GNAZ: variants seen among roughly 807,000 people sequenced by gnomAD.
GNAZ encodes G protein subunit alpha z.
In GNAZ, 3 loss-of-function variants were observed where a neutral mutation model predicts 25.4. The observed-to-expected ratio is 0.12, with a 90% CI of 0.05 to 0.30. GNAZ has a LOEUF of 0.30. Ranked by LOEUF, GNAZ falls within the 10% of genes least tolerant of loss-of-function variation. GNAZ has a pLI of 1.00. For missense variants in GNAZ, 241 were observed against 501.8 expected, an observed-to-expected ratio of 0.48 and a Z score of 4.97; for synonymous variants, 211 against 205.7, an observed-to-expected ratio of 1.03 and a Z score of -0.22.
chr22:23,107,693 G>A (rs959436382), intron 2 of GNAZ, among the ~76,000 whole-genome samples: 3 of 152,178 alleles, frequency 2.0e-5, no homozygotes, highest in African/African-American at 2.4e-5. Context: ...CAGTGGAGTC[G>A]GGTCCTGGGC....
chr22:23,101,779 C>T (rs2069308610), intron 2 of GNAZ, among the ~76,000 whole-genome samples: 1 of 152,236 alleles, frequency 6.6e-6, no homozygotes, highest in Non-Finnish European at 1.5e-5. Flanking sequence ...ACACTGGGCT[C>T]CCAAGGACTG....
At chr22:23,083,263 A>T (rs1323633352) in intron 1 of GNAZ, among the ~76,000 whole-genome samples, 1 of 152,102 alleles carries the variant, frequency 6.6e-6, no homozygotes, top group Non-Finnish European at 1.5e-5. Context: ...AGGGGAGGGT[A>T]GACCCAGGCA....
chr22:23,119,443 C>A (rs964971275), intron 2 of GNAZ, among the ~76,000 whole-genome samples: 6 of 152,228 alleles, frequency 3.9e-5, no homozygotes, highest in African/African-American at 1.4e-4. Context: ...TCTGTCTTGT[C>A]CCCCATCTCT....
At chr22:23,094,291 A>G (rs1323792049) in intron 1 of GNAZ, among the ~76,000 whole-genome samples, 1 of 152,036 alleles carries the variant, frequency 6.6e-6, no homozygotes, top group Non-Finnish European at 1.5e-5. Flanking sequence ...AAGAAGCCTG[A>G]GCTTTGAGCT....
chr22:23,091,636 A>G (rs533427193), intron 1 of GNAZ, among the ~76,000 whole-genome samples: 40 of 152,170 alleles, frequency 2.6e-4, no homozygotes, highest in African/African-American at 9.4e-4. Context: ...ATGGACCTGC[A>G]TACACACTGG....
intron 1 of GNAZ, among the ~76,000 whole-genome samples, chr22:23,087,547 GAA>G (rs1045899798): frequency 9.2e-5 from 14 of 152,208 alleles, no homozygotes; most frequent in African/African-American, 3.4e-4. Flanking sequence ...TTGCAATAGA[GAA>G]AGAGTAATTC....
chr22:23,086,954 G>C (rs2068836335), intron 1 of GNAZ, among the ~76,000 whole-genome samples: 1 of 152,256 alleles, frequency 6.6e-6, no homozygotes, highest in Admixed American at 6.5e-5. Flanking sequence ...GGGCAGGACA[G>C]GGAGTGTGCA....
intron 2 of GNAZ, among the ~76,000 whole-genome samples, chr22:23,096,917 G>A (rs1013440074): frequency 6.6e-6 from 1 of 152,254 alleles, no homozygotes; most frequent in African/African-American, 2.4e-5. Context: ...GGCGCAGCCC[G>A]AGGGAGACCT....
intron 2 of GNAZ, chr22:23,122,767 C>T (rs908551394): frequency 6.5e-5 from 23 of 353,818 alleles, no homozygotes; most frequent in African/African-American, 4.4e-4. Context: ...AGGTGCCCAG[C>T]GGTTTAGGAG....
At chr22:23,111,932 G>T (rs1278763937) in intron 2 of GNAZ, among the ~76,000 whole-genome samples, 1 of 152,168 alleles carries the variant, frequency 6.6e-6, no homozygotes, top group Non-Finnish European at 1.5e-5. Flanking sequence ...GTGTCACTAG[G>T]AGCATGTTCT....
chr22:23,114,165 C>T (rs1459751924), intron 2 of GNAZ, among the ~76,000 whole-genome samples: 1 of 152,220 alleles, frequency 6.6e-6, no homozygotes. Context: ...CAGCTGCAGG[C>T]TGGGTGGCCG....
At chr22:23,080,063 C>T (rs1208204530) in intron 1 of GNAZ, among the ~76,000 whole-genome samples, 1 of 152,324 alleles carries the variant, frequency 6.6e-6, no homozygotes, top group South Asian at 2.1e-4. Context: ...CCTGGGGCTA[C>T]GGCTCTCTCC....
intron 1 of GNAZ, among the ~76,000 whole-genome samples, chr22:23,079,745 GAAT>G (rs1177256120): frequency 6.6e-6 from 1 of 152,124 alleles, no homozygotes; most frequent in East Asian, 1.9e-4. Flanking sequence ...GTGAGTGGTA[GAAT>G]TCTGGACAGT....
chr22:23,079,414 G>C (rs968748516), intron 1 of GNAZ, among the ~76,000 whole-genome samples: 1 of 152,296 alleles, frequency 6.6e-6, no homozygotes, highest in East Asian at 1.9e-4. Flanking sequence ...AGTTAAGAGT[G>C]AGGGATGGTG....
chr22:23,114,672 G>T (rs900849374), intron 2 of GNAZ, among the ~76,000 whole-genome samples: 1 of 152,364 alleles, frequency 6.6e-6, no homozygotes. Flanking sequence ...GCCCCCTCAC[G>T]AGGGAAGTAT....
intron 2 of GNAZ, among the ~76,000 whole-genome samples, chr22:23,105,900 G>A (rs1310676406): frequency 6.6e-6 from 1 of 152,228 alleles, no homozygotes; most frequent in African/African-American, 2.4e-5. Context: ...TTGGGCAGGA[G>A]AGCTTATGGG....
intron 2 of GNAZ, chr22:23,122,720 G>A: frequency 7.2e-6 from 2 of 278,666 alleles, no homozygotes; most frequent in Non-Finnish European, 1.4e-5. Context: ...GCAGCCTGTG[G>A]ATGGGCAGTG....
intron 2 of GNAZ, among the ~76,000 whole-genome samples, chr22:23,104,009 G>C (rs984727701): frequency 3.9e-5 from 6 of 152,192 alleles, no homozygotes; most frequent in African/African-American, 1.4e-4. Flanking sequence ...ATTTGCAGGA[G>C]AGACGGGGGC....
intron 1 of GNAZ, among the ~76,000 whole-genome samples, chr22:23,086,161 A>G (rs2068815878): frequency 6.6e-6 from 1 of 152,264 alleles, no homozygotes; most frequent in Non-Finnish European, 1.5e-5. Flanking sequence ...AAAGGCAGTC[A>G]ATTTAAAGAA....
Sources: gnomAD v4.1 joint callset for allele counts (sites outside exome capture counted in the v4.1 genomes callset) on GRCh38, gnomAD v4.1.1 for gene constraint, MANE v1.5 for transcripts, NCBI Gene and HGNC (gene_info 2026-07-23, HGNC 2026-07-21) for gene names.